Variants in IMPACT observed in about 807,000 individuals in gnomAD.
The protein encoded by IMPACT is impact RWD domain protein.
In IMPACT, 35 loss-of-function variants were observed where a neutral mutation model predicts 47.5. That is an observed-to-expected ratio of 0.74 (90% CI 0.56 to 0.98). The LOEUF is 0.98. Ranked by LOEUF, IMPACT falls within the 50% of genes least tolerant of loss-of-function variation. The probability of loss-of-function intolerance (pLI) is 0.00; values close to 1 mark genes in which losing one functional copy is unlikely to be tolerated. For synonymous variants in IMPACT, 118 were observed against 125.6 expected (o/e 0.94, Z 0.40); for missense variants, 373 against 394.8 (o/e 0.94, Z 0.47).
In IMPACT at chr18:24,432,753, A is replaced by G. The variant is rs79339572; in HGVS notation, c.281+2369A>G. Among the ~76,000 whole-genome samples the G allele has an allele frequency of 1.1e-3, 164 of 151,806 alleles. 2 individuals carry two copies. The East Asian group carries it at 0.029, about 27-fold the overall frequency. ...GTATACTGTGGATTTGTTCACCATT[A>G]ACACCAGAATTGTTCATCTAGTGGC... On this transcript the variant is annotated intron_variant, in intron 4 of 10. Transcript: ENST00000284202.
intron 4 of IMPACT, 41 bp downstream of exon 4, chr18:24,430,425 T>C: frequency 6.9e-7 from 1 of 1,441,250 alleles, no homozygotes; most frequent in African/African-American, 1.4e-5. Context: ...CTGTTAGTGA[T>C]TGTATTGTGG....
intron 4 of IMPACT, 53 bp downstream of exon 4, chr18:24,430,437 C>A: frequency 7.4e-7 from 1 of 1,359,020 alleles, no homozygotes; most frequent in Non-Finnish European, 1.0e-6. Flanking sequence ...GTATTGTGGG[C>A]TTTTGTTGAA....
At chr18:24,436,515 TG>T (rs35073485) in intron 4 of IMPACT, among the ~76,000 whole-genome samples, 20,471 of 151,876 alleles carry the variant, frequency 0.13, 1,579 homozygotes, top group Non-Finnish European at 0.16. Context: ...ATTACAGGTG[TG>T]AGCTGCCACA....
At chr18:24,449,078 C>T (rs781365130) in intron 9 of IMPACT, among the ~76,000 whole-genome samples, 3 of 152,140 alleles carry the variant, frequency 2.0e-5, no homozygotes, top group Admixed American at 6.5e-5. Flanking sequence ...CTGATGAAGA[C>T]GGCCAGGTAT....
chr18:24,431,312 C>A (rs1184094937), intron 4 of IMPACT, among the ~76,000 whole-genome samples: 1 of 151,602 alleles, frequency 6.6e-6, no homozygotes, highest in African/African-American at 2.4e-5. Context: ...TGTTGGGGAG[C>A]TTGGCACATT....
chr18:24,450,362 T>A (rs1387127304), intron 10 of IMPACT, among the ~76,000 whole-genome samples: 1 of 152,172 alleles, frequency 6.6e-6, no homozygotes, highest in African/African-American at 2.4e-5. Context: ...TCAAAACATC[T>A]CCCCCTTCAC....
At chr18:24,443,285 A>T in intron 7 of IMPACT, 133 bp downstream of exon 7, 6 of 463,716 alleles carry the variant, frequency 1.3e-5, no homozygotes, top group Non-Finnish European at 2.3e-5. Flanking sequence ...TCATTTTTCT[A>T]CTCCCAAATT....
Position 24,426,729 on chromosome 18 carries a change from G to T in IMPACT, c.-28G>T, listed in dbSNP as rs377074908. The T allele has an allele frequency of 1.6e-6, 2 of 1,245,764 alleles. No homozygotes were observed. Among genetic ancestry groups the T allele is most frequent in the South Asian group, 7.6e-5 (2 of 26,286 alleles). 77.2% of individuals were successfully genotyped at this position (1,245,764 alleles called of 1,614,324 possible). On this transcript the variant is annotated 5_prime_UTR_variant, in exon 1 of 11. Coordinates refer to ENST00000284202, the MANE Select transcript of IMPACT (RefSeq NM_018439.4). ...CCCCGCGCTCCGGACCTGGCAGGCG[G>T]CGGCTGCAGGGCAGGTCCAGGGGCC...
At chr18:24,447,433 T>C (rs1909275047) in intron 8 of IMPACT, among the ~76,000 whole-genome samples, 1 of 152,272 alleles carries the variant, frequency 6.6e-6, no homozygotes, top group South Asian at 2.1e-4. Context: ...CTTATTTTAC[T>C]GTATTGTAGG....
At chr18:24,429,699 A>T (rs967264241) in intron 3 of IMPACT, 2 of 152,094 alleles carry the variant, frequency 1.3e-5, no homozygotes, top group Admixed American at 1.3e-4. Context: ...CTTACTGTTA[A>T]TAATGGTTCT....
intron 5 of IMPACT, chr18:24,439,535 G>A (rs1405446241): frequency 1.3e-5 from 2 of 152,024 alleles, no homozygotes; most frequent in African/African-American, 4.8e-5. Context: ...TACTCGGGAG[G>A]CTGAGGCAGG....
In IMPACT at chr18:24,449,963, T is replaced by C. The variant is rs748878772; in HGVS notation, c.894+10T>C. 1.2e-6 allele frequency: 2 copies of C among 1,613,124 alleles called. No homozygotes were observed. The highest frequency in any genetic ancestry group is 2.2e-5 in the South Asian group (2 of 91,006). The stretch of plus-strand genomic sequence containing the variant: ...CTACACAAATTCACCTGTAAGTGGC[T>C]CTTCGTACTACATCTAGAGAATTTC... On this transcript the variant is annotated intron_variant, in intron 10 of 10. Coordinates refer to ENST00000284202, the MANE Select transcript of IMPACT (RefSeq NM_018439.4).
In IMPACT at chr18:24,443,047, A is replaced by G. The variant is rs767644426; in HGVS notation, c.491-2A>G. On this transcript the variant is annotated splice_acceptor_variant, in intron 6 of 10. Coordinates refer to ENST00000284202, the MANE Select transcript of IMPACT (RefSeq NM_018439.4). LOFTEE classifies it high-confidence loss of function. ...AAAATAAAGTTTCTTTTACATTTCT[A>G]GAAGTAGAAGTAGAAGAATTACCTC... The G allele has an allele frequency of 6.7e-7, 1 of 1,502,102 alleles. No individual in the cohort carries two copies. The allele number at this position is 1,502,102 out of a possible 1,614,324, so 93.0% of individuals were successfully genotyped here. A position where few individuals can be genotyped will look rare whatever the true frequency, so the allele number is the denominator to read the frequency against.
intron 6 of IMPACT, among the ~76,000 whole-genome samples, chr18:24,442,823 G>A (rs1909151094): frequency 6.6e-6 from 1 of 151,988 alleles, no homozygotes; most frequent in African/African-American, 2.4e-5. Flanking sequence ...CTTGGCAGGT[G>A]GAAATCATTT....
intron 7 of IMPACT, among the ~76,000 whole-genome samples, chr18:24,444,084 G>A (rs935726317): frequency 1.3e-5 from 2 of 152,092 alleles, no homozygotes; most frequent in African/African-American, 2.4e-5. Context: ...TCTTTTCTGC[G>A]TTGACTTGTG....
At chr18:24,431,536 G>A (rs1339025910) in intron 4 of IMPACT, among the ~76,000 whole-genome samples, 1 of 151,964 alleles carries the variant, frequency 6.6e-6, no homozygotes, top group Admixed American at 6.6e-5. Context: ...TTTTGAGACA[G>A]GTTCTTGCTC....
In IMPACT at chr18:24,452,251, G is replaced by A. The variant is rs973909546; in HGVS notation, c.*1404G>A. The A allele has an allele frequency of 2.6e-5, 4 of 152,012 alleles. No homozygotes were observed. Among genetic ancestry groups the A allele is most frequent in the African/African-American group, 9.7e-5 (4 of 41,386 alleles). The allele number at this position is 152,012 out of a possible 1,614,324, so 9.4% of individuals were successfully genotyped here. ...ATAGTAAATAGCTTTACACCAGGATGGATTCTGAAATATAAATTCTAAATT... is the reference window on the plus strand; with the variant it reads ...ATAGTAAATAGCTTTACACCAGGATAGATTCTGAAATATAAATTCTAAATT... On this transcript the variant is annotated 3_prime_UTR_variant, in exon 11 of 11. Coordinates refer to ENST00000284202, the MANE Select transcript of IMPACT (RefSeq NM_018439.4).
chr18:24,446,149 G>A (rs1028656156), intron 8 of IMPACT, among the ~76,000 whole-genome samples: 6 of 151,862 alleles, frequency 4.0e-5, no homozygotes, highest in Non-Finnish European at 7.4e-5. Flanking sequence ...GTACAGGGGC[G>A]TGATCTTGGC....
At chr18:24,429,828 G>A (rs887148359) in intron 3 of IMPACT, among the ~76,000 whole-genome samples, 24 of 150,090 alleles carry the variant, frequency 1.6e-4, no homozygotes, top group African/African-American at 5.9e-4. Flanking sequence ...CTCCTAGGCT[G>A]GAGTGCAGTG....
Sources: gnomAD v4.1 joint callset for allele counts (sites outside exome capture counted in the v4.1 genomes callset) on GRCh38, gnomAD v4.1.1 for gene constraint, MANE v1.5 for transcripts, NCBI Gene and HGNC (gene_info 2026-07-23, HGNC 2026-07-21) for gene names.